Variants in DOCK4 observed in about 807,000 individuals in gnomAD.
DOCK4 encodes the protein dedicator of cytokinesis protein 4.
DOCK4 carries 97 observed loss-of-function variants against 268.1 expected under a neutral mutation model. That is an observed-to-expected ratio of 0.36 (90% confidence interval 0.31 to 0.43). The LOEUF is 0.43. Among genes scored for constraint, DOCK4 ranks in the 20% least tolerant of loss-of-function variants. The pLI, the probability that DOCK4 is intolerant of heterozygous loss-of-function variation, is 1.00. For missense variants in DOCK4, 2,145 were observed against 2,455.7 expected, an observed-to-expected ratio of 0.87 and a Z score of 2.67; for synonymous variants, 954 against 887.2, an observed-to-expected ratio of 1.08 and a Z score of -1.34.
intron 30 of DOCK4, among the ~76,000 whole-genome samples, chr7:111,790,854 C>G (rs570854886): frequency 6.6e-6 from 1 of 151,416 alleles, no homozygotes; most frequent in African/African-American, 2.4e-5. Context: ...GTCAGGAGAT[C>G]GAGACCATCC....
At chr7:112,081,869 G>A (rs1471705641) in intron 1 of DOCK4, among the ~76,000 whole-genome samples, 2 of 152,124 alleles carry the variant, frequency 1.3e-5, no homozygotes, top group Non-Finnish European at 2.9e-5. Flanking sequence ...ACCAAAAGAG[G>A]AAGATCACAG....
In DOCK4 at chr7:111,728,289, C is replaced by G; in HGVS notation, c.5913G>C (p.Lys1971Asn). 1 of 1,497,016 alleles carries G rather than the reference C, an allele frequency of 6.7e-7. No individual in the cohort carries two copies. The highest frequency in any genetic ancestry group is 8.9e-7 in the Non-Finnish European group (1 of 1,123,310). The allele number at this position is 1,497,016 out of a possible 1,614,324, so 92.7% of individuals were successfully genotyped here. A position where few individuals can be genotyped will look rare whatever the true frequency, so the allele number is the denominator to read the frequency against. ...PGPRPRPLPR[K>N]VSQL ...GAAAAGTGACTTATAACTGAGAGAC[C>G]TTGCGGGGCAGGGGCCTGGGCCGCG... Residue 1971 changes from lysine (K) to asparagine (N), a missense_variant, in exon 53 of 53, where the codon AAG becomes AAC. By Grantham distance (94) the Lys-to-Asn change is moderately conservative. Transcript: ENST00000428084.
chr7:111,918,166 T>G (rs879185478), intron 12 of DOCK4, among the ~76,000 whole-genome samples: 1 of 152,168 alleles, frequency 6.6e-6, no homozygotes, highest in Admixed American at 6.5e-5. Context: ...CGGAGCTAGA[T>G]GAGGGGCAAT....
chr7:111,991,758 G>A (rs547375297), intron 5 of DOCK4, among the ~76,000 whole-genome samples: 10 of 151,692 alleles, frequency 6.6e-5, no homozygotes, highest in Non-Finnish European at 2.9e-5. Context: ...TCAGGAGATC[G>A]AGACCATCCT....
At chr7:112,199,778 T>C (rs757165113) in intron 1 of DOCK4, among the ~76,000 whole-genome samples, 10 of 152,244 alleles carry the variant, frequency 6.6e-5, no homozygotes, top group Non-Finnish European at 1.3e-4. Context: ...TCTGTTATAG[T>C]GACCAGAGAG....
chr7:111,880,607 A>G (rs2134284854), intron 16 of DOCK4, among the ~76,000 whole-genome samples: 1 of 152,340 alleles, frequency 6.6e-6, no homozygotes, highest in African/African-American at 2.4e-5. Flanking sequence ...CTTAAGCAGA[A>G]AGACTAAATG....
intron 1 of DOCK4, among the ~76,000 whole-genome samples, chr7:112,131,839 T>C (rs1022976307): frequency 2.0e-5 from 3 of 152,150 alleles, no homozygotes; most frequent in Non-Finnish European, 4.4e-5. Flanking sequence ...ACACACTTCA[T>C]GGTTTCAAAC....
chr7:111,766,256 G>T (rs1056195843), intron 38 of DOCK4, among the ~76,000 whole-genome samples: 1 of 152,110 alleles, frequency 6.6e-6, no homozygotes, highest in Non-Finnish European at 1.5e-5. Context: ...TCCTTGTTGG[G>T]ATATAAGGGA....
At chr7:112,189,522 G>A (rs1819742264) in intron 1 of DOCK4, among the ~76,000 whole-genome samples, 1 of 152,026 alleles carries the variant, frequency 6.6e-6, no homozygotes, top group Non-Finnish European at 1.5e-5. Flanking sequence ...AAGACTTCAG[G>A]TGTAAATACC....
At chr7:111,851,732 G>C (rs139839087) in intron 23 of DOCK4, among the ~76,000 whole-genome samples, 280 of 151,402 alleles carry the variant, frequency 1.8e-3, no homozygotes, top group Admixed American at 2.8e-3. Flanking sequence ...TCTGTAAAAC[G>C]AGGCTAGCAA....
intron 1 of DOCK4, among the ~76,000 whole-genome samples, chr7:112,195,096 T>C (rs1382697559): frequency 6.6e-6 from 1 of 152,110 alleles, no homozygotes; most frequent in Non-Finnish European, 1.5e-5. Flanking sequence ...CTGGTCAACA[T>C]GGTGAAACCC....
chr7:111,980,015 ATGAGGGTTGAGAATCAC>A (rs1159639063), intron 7 of DOCK4, among the ~76,000 whole-genome samples: 1 of 152,208 alleles, frequency 6.6e-6, no homozygotes, highest in Non-Finnish European at 1.5e-5. Flanking sequence ...CTAATGGGCA[ATGAGGGTTGAGAATCAC>A]TGATCAGGAT....
intron 1 of DOCK4, among the ~76,000 whole-genome samples, chr7:112,066,732 T>TAC (rs1807090456): frequency 1.9e-5 from 2 of 106,704 alleles, no homozygotes; most frequent in Admixed American, 2.0e-4. Flanking sequence ...TATATATATA[T>TAC]ATATATATAT....
intron 17 of DOCK4, among the ~76,000 whole-genome samples, chr7:111,873,438 G>A (rs1157900185): frequency 1.3e-5 from 2 of 152,214 alleles, no homozygotes; most frequent in African/African-American, 4.8e-5. Flanking sequence ...CCGAGCACGC[G>A]CAGGGCAGCG....
At chr7:112,041,660 A>G (rs1804371483) in intron 1 of DOCK4, among the ~76,000 whole-genome samples, 1 of 152,204 alleles carries the variant, frequency 6.6e-6, no homozygotes, top group Admixed American at 6.5e-5. Context: ...ACAGGATTGA[A>G]AAAGACTTTT....
At chr7:111,834,492 T>C in intron 26 of DOCK4, 96 bp downstream of exon 26, 1 of 946,940 alleles carries the variant, frequency 1.1e-6, no homozygotes, top group Non-Finnish European at 1.6e-6. Flanking sequence ...TGGAAACAGG[T>C]AAAGCAATTG....
intron 8 of DOCK4, among the ~76,000 whole-genome samples, chr7:111,970,200 A>C (rs923138586): frequency 6.6e-6 from 1 of 152,190 alleles, no homozygotes; most frequent in African/African-American, 2.4e-5. Flanking sequence ...TCTTATAGAT[A>C]CTGTACATGA....
At chr7:112,101,518 G>C (rs1237996657) in intron 1 of DOCK4, among the ~76,000 whole-genome samples, 1 of 152,198 alleles carries the variant, frequency 6.6e-6, no homozygotes, top group Non-Finnish European at 1.5e-5. Flanking sequence ...TCATGACCCA[G>C]TGCCAGCTTC....
At chr7:112,055,491 CAA>C (rs1214019142) in intron 1 of DOCK4, among the ~76,000 whole-genome samples, 1 of 152,158 alleles carries the variant, frequency 6.6e-6, no homozygotes, top group Non-Finnish European at 1.5e-5. Context: ...AAACTCCACA[CAA>C]AGAGTGGCCA....
Sources: gnomAD v4.1 joint callset for allele counts (sites outside exome capture counted in the v4.1 genomes callset) on GRCh38, gnomAD v4.1.1 for gene constraint, MANE v1.5 for transcripts, NCBI Gene and HGNC (gene_info 2026-07-23, HGNC 2026-07-21) for gene names.